Variants in TRIM6 observed in about 807,000 individuals in gnomAD.
The protein encoded by TRIM6 is tripartite motif containing 6.
Under a neutral mutation model 51.2 loss-of-function variants are expected in TRIM6, and 43 were observed. The ratio of observed to expected loss-of-function variants is 0.84; its 90% CI spans 0.66 to 1.08. The LOEUF (loss-of-function observed/expected upper bound fraction) is 1.08, where lower values mean the gene tolerates loss of function less well. TRIM6 is among the 50% of genes least tolerant of loss of function. TRIM6 has a pLI of 0.00. For synonymous variants in TRIM6, 215 were observed against 232.4 expected (o/e 0.93, Z 0.68); for missense variants, 669 against 619.0 (o/e 1.08, Z -0.86).
intron 1 of TRIM6, among the ~76,000 whole-genome samples, chr11:5,602,960 G>GA (rs908947737): frequency 2.0e-5 from 3 of 151,422 alleles, no homozygotes; most frequent in African/African-American, 4.9e-5. Context: ...TCTCAAAAAA[G>GA]AAAAAAAAGA....
intron 4 of TRIM6, among the ~76,000 whole-genome samples, chr11:5,607,203 CA>C (rs556744032): frequency 2.1e-4 from 31 of 146,036 alleles, no homozygotes; most frequent in Non-Finnish European, 3.0e-4. Flanking sequence ...GACTCCATCT[CA>C]AAAAAAAAAA....
At chr11:5,607,053 A>T (rs1312157662) in intron 4 of TRIM6, among the ~76,000 whole-genome samples, 1 of 151,926 alleles carries the variant, frequency 6.6e-6, no homozygotes. Context: ...AACACAAAAA[A>T]ATTAGCCGGG....
chr11:5,603,636 T>G lies in TRIM6; in HGVS notation c.408T>G (p.Cys136Trp). ...ADHGEKLQLF[C>W]QEDGKVICWL... ...ATGGAGAAAAACTGCAGCTCTTCTG[T>G]CAGGAGGATGGGAAGGTCATTTGCT... Residue 136 changes from cysteine (C) to tryptophan (W), a missense_variant, in exon 2 of 8, where the codon TGT (cysteine) becomes TGG (tryptophan). Physicochemically the swap from Cys to Trp is radical, Grantham distance 215 (BLOSUM62 -2). Coordinates refer to ENST00000380097, the MANE Select transcript of TRIM6 (RefSeq NM_001003818.3). 1 of 1,613,400 alleles carries G rather than the reference T, an allele frequency of 6.2e-7. No homozygotes were observed. The highest frequency in any genetic ancestry group is 1.3e-5 in the African/African-American group (1 of 74,808).
At chr11:5,609,733 T>C (rs61875718) in intron 5 of TRIM6, among the ~76,000 whole-genome samples, 7,778 of 152,166 alleles carry the variant, frequency 0.051, 256 homozygotes, top group Non-Finnish European at 0.076. Context: ...CCATCCTGGC[T>C]AACATGATGA....
chr11:5,609,405 T>C (rs4910828), intron 5 of TRIM6, among the ~76,000 whole-genome samples: 112,619 of 152,028 alleles, frequency 0.74, 41,907 homozygotes, highest in Middle Eastern at 0.81. Context: ...AACCCCTTCA[T>C]TTGATACTTT....
At chr11:5,607,507 G>A (rs903732402) in intron 4 of TRIM6, among the ~76,000 whole-genome samples, 4 of 151,462 alleles carry the variant, frequency 2.6e-5, no homozygotes, top group South Asian at 2.1e-4. Flanking sequence ...GCTTTTCTTC[G>A]GGGTCATTGA....
chr11:5,603,218 TC>T, intron 1 of TRIM6, 27 bp from the exon 2 acceptor site: 13 of 1,600,460 alleles, frequency 8.1e-6, no homozygotes, highest in Non-Finnish European at 1.0e-5. Context: ...CTTACCCTGA[TC>T]CTTTTTTTGT....
In TRIM6 at chr11:5,612,614, G is replaced by GAA. The variant is rs1848619401; in HGVS notation, c.*1272_*1273insAA. On this transcript the variant is annotated 3_prime_UTR_variant, in exon 8 of 8. Coordinates refer to ENST00000380097, the MANE Select transcript of TRIM6 (RefSeq NM_001003818.3). ...TCTTTATGCGCAGGAACAAACAGCTGTTGAGTGAGCTGCTATGACTTTGGT... is the reference window on the plus strand; with the variant it reads ...TCTTTATGCGCAGGAACAAACAGCTGAATTGAGTGAGCTGCTATGACTTTGGT... 6.6e-6 allele frequency: 1 copy of GAA among 152,312 alleles called. No homozygotes were observed. Among genetic ancestry groups the GAA allele is most frequent in the South Asian group, 2.1e-4 (1 of 4,824 alleles). The allele number at this position is 152,312 out of a possible 1,614,324, so 9.4% of individuals were successfully genotyped here.
At chr11:5,602,153 A>G (rs1291697306) in intron 1 of TRIM6, among the ~76,000 whole-genome samples, 1 of 152,226 alleles carries the variant, frequency 6.6e-6, no homozygotes, top group Admixed American at 6.5e-5. Context: ...TGTAAGAAGT[A>G]AAATAGACCG....
At chr11:5,598,298 C>G (rs1847601391) in intron 1 of TRIM6, among the ~76,000 whole-genome samples, 1 of 152,218 alleles carries the variant, frequency 6.6e-6, no homozygotes, top group African/African-American at 2.4e-5. Flanking sequence ...TAACTGTATG[C>G]TCCCCTCCTT....
rs1389631289 is a variant in TRIM6 at position 5,603,236 on chromosome 11, A to G, written c.18-10A>G. 2 of 1,605,596 alleles carry G rather than the reference A, an allele frequency of 1.2e-6. No individual in the cohort carries two copies. Among genetic ancestry groups the G allele is most frequent in the South Asian group, 2.2e-5 (2 of 90,436 alleles). On this transcript the variant is annotated splice_polypyrimidine_tract_variant and intron_variant, in intron 1 of 7. Coordinates refer to ENST00000380097, the MANE Select transcript of TRIM6 (RefSeq NM_001003818.3). ...ACCCTGATCCTTTTTTTGTTTGTTC[A>G]TCTACCTAGGATTCTACAGGCAGGA...
In TRIM6 at chr11:5,596,878, C is replaced by G. The variant is rs1564859404; in HGVS notation, c.-20C>G. On this transcript the variant is annotated 5_prime_UTR_variant, in exon 1 of 8. Coordinates refer to ENST00000380097, the MANE Select transcript of TRIM6 (RefSeq NM_001003818.3). ...CTGATATTGCTTACATCTGGAACTT[C>G]TTGGCTTCTCATTCCCCAGATGTGC... is the stretch of plus-strand genomic sequence containing the variant. 1 of 1,614,004 alleles carries G rather than the reference C, an allele frequency of 6.2e-7. No homozygotes were observed. The highest frequency in any genetic ancestry group is 2.2e-5 in the East Asian group (1 of 44,842).
rs2133870246 is a variant in TRIM6 at position 5,611,320 on chromosome 11, C to T, written c.1529C>T (p.Thr510Ile). ...FNPCNCVIPM[T>I]LRRPSS ...CCTTGCAACTGTGTAATTCCTATGA[C>T]CCTGCGTCGTCCAAGCTCTTGAATA... is the stretch of plus-strand genomic sequence containing the variant. Residue 510 changes from threonine (T) to isoleucine (I), a missense_variant, in exon 8 of 8, where the codon ACC becomes ATC. Thr to Ile is a moderately conservative substitution (Grantham distance 89). Transcript: ENST00000380097. 6.2e-7 allele frequency: 1 copy of T among 1,613,646 alleles called. No individual in the cohort carries two copies. The highest frequency in any genetic ancestry group is 1.7e-5 in the Admixed American group (1 of 59,942).
Position 5,603,780 on chromosome 11 carries a change from G to C in TRIM6, c.507+45G>C, listed in dbSNP as rs367883481. 2.5e-6 allele frequency: 4 copies of C among 1,598,224 alleles called. No individual in the cohort carries two copies. In the African/African-American group the frequency reaches 5.4e-5, roughly 21 times the overall value. ...TGGGAGACAGAGAAACAGGGTCTTT[G>C]GCAGGTTTTAACGTTTTATCATGCT... On this transcript the variant is annotated intron_variant, in intron 2 of 7. Coordinates refer to ENST00000380097, the MANE Select transcript of TRIM6 (RefSeq NM_001003818.3).
intron 4 of TRIM6, among the ~76,000 whole-genome samples, chr11:5,606,721 A>T (rs1375936540): frequency 6.6e-6 from 1 of 152,022 alleles, no homozygotes; most frequent in African/African-American, 2.4e-5. Flanking sequence ...AACTGTAAAT[A>T]TTTTTTAAAT....
chr11:5,603,024 T>C (rs931116069), intron 1 of TRIM6, among the ~76,000 whole-genome samples: 2 of 152,166 alleles, frequency 1.3e-5, no homozygotes, highest in African/African-American at 4.8e-5. Context: ...GGGCCTCAGT[T>C]TGTCTCTATT....
In TRIM6 at chr11:5,612,907, A is replaced by C. The variant is rs1358825965; in HGVS notation, c.*1565A>C. 6.6e-6 allele frequency: 1 copy of C among 152,216 alleles called. No homozygotes were observed. The highest frequency in any genetic ancestry group is 1.5e-5 in the Non-Finnish European group (1 of 68,038). 9.4% of individuals were successfully genotyped at this position (152,216 alleles called of 1,614,324 possible). ...CTTTTCCTTTGTGTATTGCAATGATAATATGTTGGCTCTATTGGATTAAAT... is the reference window on the plus strand; with the variant it reads ...CTTTTCCTTTGTGTATTGCAATGATCATATGTTGGCTCTATTGGATTAAAT... On this transcript the variant is annotated 3_prime_UTR_variant, in exon 8 of 8. Transcript: ENST00000380097.
chr11:5,610,084 A>G, intron 5 of TRIM6, 61 bp from the exon 6 acceptor site: 2 of 1,569,896 alleles, frequency 1.3e-6, no homozygotes, highest in Non-Finnish European at 1.8e-6. Flanking sequence ...GGTAAGGGAG[A>G]TGGGTGGTGG....
At chr11:5,610,677 T>C (rs779401850) in intron 7 of TRIM6, 100 bp from the exon 8 acceptor site, 3 of 1,568,922 alleles carry the variant, frequency 1.9e-6, no homozygotes, top group African/African-American at 1.4e-5. Context: ...CCCCGCCATA[T>C]AGTTCCAGTT....
Sources: gnomAD v4.1 joint callset for allele counts (sites outside exome capture counted in the v4.1 genomes callset) on GRCh38, gnomAD v4.1.1 for gene constraint, MANE v1.5 for transcripts, NCBI Gene and HGNC (gene_info 2026-07-23, HGNC 2026-07-21) for gene names.